FAM114A2: variants seen among roughly 807,000 people sequenced by gnomAD.
FAM114A2 encodes the protein protein FAM114A2.
Under a neutral mutation model 58.4 loss-of-function variants are expected in FAM114A2, and 53 were observed. That is an observed-to-expected ratio of 0.91 (90% CI 0.73 to 1.14). The LOEUF is 1.14. FAM114A2 is among the 50% of genes most tolerant of loss of function. FAM114A2 has a pLI of 0.00. For missense variants in FAM114A2, 601 were observed against 581.1 expected (o/e 1.03, Z -0.35); for synonymous variants, 228 against 211.4 (o/e 1.08, Z -0.68).
At position 154,029,487 on chromosome 5, in the gene FAM114A2, A is replaced by C. The variant is rs1205559675; in HGVS notation, c.495+2T>G. 9 of 1,561,742 alleles carry C rather than the reference A, an allele frequency of 5.8e-6. No homozygotes were observed. Among genetic ancestry groups the C allele is most frequent in the Non-Finnish European group, 6.2e-6 (7 of 1,133,572 alleles). On this transcript the variant is annotated splice_donor_variant, in intron 5 of 13. Transcript: ENST00000351797. LOFTEE classifies it high-confidence loss of function. Reference sequence around the variant, plus strand: ...CAGACCACCTTGCACTTTTTTACTTACTGTGCTCTGAACAGCAGTAGAGAT... The same window carrying C: ...CAGACCACCTTGCACTTTTTTACTTCCTGTGCTCTGAACAGCAGTAGAGAT...
chr5:154,033,593 G>GA (rs1260004842), intron 4 of FAM114A2, among the ~76,000 whole-genome samples, 198 bp downstream of exon 4: 1 of 152,194 alleles, frequency 6.6e-6, no homozygotes, highest in East Asian at 1.9e-4. Context: ...TTCAGATGTG[G>GA]AAAGTGAAGT....
chr5:154,005,083 G>C (rs1399645513), intron 9 of FAM114A2, among the ~76,000 whole-genome samples: 3 of 152,106 alleles, frequency 2.0e-5, no homozygotes, highest in African/African-American at 7.2e-5. Flanking sequence ...ACCAAATATA[G>C]TAGAATTATC....
chr5:154,034,214 T>C (rs1250284661), intron 3 of FAM114A2, 64 bp downstream of exon 3: 9 of 986,860 alleles, frequency 9.1e-6, no homozygotes, highest in Admixed American at 4.8e-5. Flanking sequence ...CCAAGTCATA[T>C]GCAATGCAGA....
At chr5:154,023,250 C>A (rs972891175) in intron 8 of FAM114A2, among the ~76,000 whole-genome samples, 2 of 152,018 alleles carry the variant, frequency 1.3e-5, no homozygotes, top group African/African-American at 4.8e-5. Context: ...CAGGCCTGCA[C>A]GTTGTGCACA....
At chr5:154,020,242 G>A (rs1403903275) in intron 8 of FAM114A2, among the ~76,000 whole-genome samples, 7 of 152,090 alleles carry the variant, frequency 4.6e-5, no homozygotes, top group African/African-American at 1.7e-4. Context: ...AAAAGAACTA[G>A]AGAAGCAAGA....
chr5:154,015,337 T>C (rs1189159209), intron 8 of FAM114A2, among the ~76,000 whole-genome samples: 1 of 152,166 alleles, frequency 6.6e-6, no homozygotes, highest in African/African-American at 2.4e-5. Context: ...AATAGTGCAT[T>C]AAGCAACCAA....
intron 13 of FAM114A2, among the ~76,000 whole-genome samples, chr5:153,994,037 T>C (rs1482848544): frequency 1.3e-5 from 2 of 152,148 alleles, no homozygotes; most frequent in East Asian, 3.9e-4. Context: ...TACAAAGTCT[T>C]TTCTACTGCA....
At chr5:154,013,357 A>G (rs940940367) in intron 8 of FAM114A2, among the ~76,000 whole-genome samples, 2 of 152,234 alleles carry the variant, frequency 1.3e-5, no homozygotes, top group African/African-American at 4.8e-5. Flanking sequence ...CATCATAACC[A>G]GAACCAGTTT....
intron 4 of FAM114A2, 111 bp from the exon 5 acceptor site, chr5:154,029,691 G>A: frequency 1.8e-6 from 1 of 550,104 alleles, no homozygotes; most frequent in Non-Finnish European, 3.3e-6. Context: ...TACATACTAG[G>A]CCTTAGCCCT....
At chr5:154,031,498 C>T (rs536685419) in intron 4 of FAM114A2, among the ~76,000 whole-genome samples, 8 of 152,160 alleles carry the variant, frequency 5.3e-5, no homozygotes, top group African/African-American at 1.9e-4. Context: ...ATGTTGACTA[C>T]AAGACACATC....
At chr5:154,029,613 G>A in intron 4 of FAM114A2, 33 bp from the exon 5 acceptor site, 1 of 1,247,736 alleles carries the variant, frequency 8.0e-7, no homozygotes, top group Non-Finnish European at 1.2e-6. Flanking sequence ...AAACATGAAG[G>A]GAAGGTCCCT....
chr5:154,020,995 T>C (rs569869493), intron 8 of FAM114A2, among the ~76,000 whole-genome samples: 165 of 152,008 alleles, frequency 1.1e-3, no homozygotes, highest in South Asian at 2.7e-3. Flanking sequence ...GTTCAACATA[T>C]GCAAATCAAT....
chr5:153,998,425 C>T (rs149393360), intron 11 of FAM114A2, among the ~76,000 whole-genome samples: 1 of 152,130 alleles, frequency 6.6e-6, no homozygotes, highest in Non-Finnish European at 1.5e-5. Context: ...GTGGTAGGTG[C>T]CCTCATGAAC....
intron 8 of FAM114A2, among the ~76,000 whole-genome samples, chr5:154,011,877 G>A (rs1455351973): frequency 6.6e-6 from 1 of 152,094 alleles, no homozygotes; most frequent in Non-Finnish European, 1.5e-5. Context: ...ATATGATTGA[G>A]AATATCTAAC....
chr5:154,017,332 C>T (rs1455993911), intron 8 of FAM114A2, among the ~76,000 whole-genome samples: 3 of 152,346 alleles, frequency 2.0e-5, no homozygotes, highest in East Asian at 1.9e-4. Context: ...ATCCCAGCTA[C>T]TCAGGAGGCT....
rs143040877 is a variant in FAM114A2 at position 154,034,872 on chromosome 5, T to G, written c.82A>C (p.Lys28Gln). Residue 28 changes from lysine (K) to glutamine (Q), a missense_variant, in exon 2 of 14, where the codon AAG becomes CAG. By Grantham distance (53) the Lys-to-Gln change is moderately conservative (BLOSUM62 1). Coordinates refer to ENST00000351797, the MANE Select transcript of FAM114A2 (RefSeq NM_018691.4). ...CCTTGGTCAACAGACTCAGAATTCT[T>G]GGCTGGCTCACAGTTTCCATCTTCA... ...ILEDGNCEPA[K>Q]NSESVDQGAK... The G allele has an allele frequency of 6.2e-7, 1 of 1,613,926 alleles. No homozygotes were observed. Among genetic ancestry groups the G allele is most frequent in the Non-Finnish European group, 8.5e-7 (1 of 1,179,918 alleles).
chr5:153,995,063 C>A (rs1769470056), intron 12 of FAM114A2, 91 bp from the exon 13 acceptor site: 1 of 784,980 alleles, frequency 1.3e-6, no homozygotes, highest in Non-Finnish European at 2.3e-6. Context: ...CACACACACC[C>A]ATACATAAAT....
chr5:154,002,925 C>A lies in FAM114A2; in HGVS notation c.1038G>T (p.Lys346Asn). The A allele has an allele frequency of 6.2e-7, 1 of 1,613,910 alleles. No individual in the cohort carries two copies. Reference sequence around the variant, plus strand: ...CTCCTTCTTCATTCTCTGCTAATGGCTTGGTCAGAGACTTCCTGATCCATT... The same window carrying A: ...CTCCTTCTTCATTCTCTGCTAATGGATTGGTCAGAGACTTCCTGATCCATT... ...AHEWIRKSLT[K>N]PLAENEEGEK... Residue 346 changes from lysine to asparagine, a missense_variant, in exon 10 of 14, where the codon AAG (lysine) becomes AAT (asparagine). Coordinates refer to ENST00000351797, the MANE Select transcript of FAM114A2 (RefSeq NM_018691.4).
In FAM114A2 at chr5:154,033,819, T is replaced by G; in HGVS notation, c.375A>C (p.Glu125Asp). 6.2e-7 allele frequency: 1 copy of G among 1,606,364 alleles called. No individual in the cohort carries two copies. Among genetic ancestry groups the G allele is most frequent in the Non-Finnish European group, 8.5e-7 (1 of 1,173,142 alleles). Reference protein sequence around the residue: ...ETSLGIPGPSEISTEVKYVAG... With the variant: ...ETSLGIPGPSDISTEVKYVAG... ...CTACATACTTGACTTCAGTTGAAAT[T>G]TCACTGGGACCAGGGATTCCAAGGG... is the stretch of plus-strand genomic sequence containing the variant. The change falls in exon 4 of 14, where the codon GAA becomes GAC. Residue 125 changes from glutamate to aspartate, a missense_variant. Transcript: ENST00000351797.
Sources: gnomAD v4.1 joint callset for allele counts (sites outside exome capture counted in the v4.1 genomes callset) on GRCh38, gnomAD v4.1.1 for gene constraint, MANE v1.5 for transcripts, NCBI Gene and HGNC (gene_info 2026-07-23, HGNC 2026-07-21) for gene names.